The following CEP128 variants were observed in gnomAD, a reference collection of about 807,000 sequenced individuals.
CEP128 encodes centrosomal protein 128kDa.
Under a neutral mutation model 156.7 loss-of-function variants are expected in CEP128, and 132 were observed. The ratio of observed to expected loss-of-function variants is 0.84; its 90% CI spans 0.73 to 0.97. The LOEUF (loss-of-function observed/expected upper bound fraction) is 0.97, where lower values mean the gene tolerates loss of function less well. Among genes scored for constraint, CEP128 ranks in the 50% least tolerant of loss-of-function variants. The pLI is 0.00. For missense variants in CEP128, 1,252 were observed against 1,281.9 expected, an observed-to-expected ratio of 0.98 and a Z score of 0.36; for synonymous variants, 469 against 448.9, an observed-to-expected ratio of 1.04 and a Z score of -0.57.
intron 19 of CEP128, among the ~76,000 whole-genome samples, chr14:80,594,833 G>T (rs1892243535): frequency 6.6e-6 from 1 of 152,204 alleles, no homozygotes; most frequent in Non-Finnish European, 1.5e-5. Context: ...ACAGATCCTG[G>T]AGAGGATGTG....
intron 21 of CEP128, among the ~76,000 whole-genome samples, chr14:80,541,464 AAC>A (rs1491547061): frequency 0.018 from 2,654 of 148,302 alleles, 93 homozygotes; most frequent in African/African-American, 0.064. Context: ...AAAAAAAAAA[AAC>A]CAGGAAAAAA....
chr14:80,744,134 CG>C, intron 18 of CEP128, among the ~76,000 whole-genome samples: 1 of 152,006 alleles, frequency 6.6e-6, no homozygotes, highest in East Asian at 1.9e-4. Context: ...CTCAGCCTCC[CG>C]AAGTACTAGA....
chr14:80,949,719 C>T (rs953489720), intron 2 of CEP128, among the ~76,000 whole-genome samples: 3 of 152,214 alleles, frequency 2.0e-5, no homozygotes, highest in Non-Finnish European at 1.5e-5. Flanking sequence ...TTACATCTGA[C>T]GACAAATCTC....
intron 16 of CEP128, among the ~76,000 whole-genome samples, chr14:80,764,039 C>T (rs1900100763): frequency 6.6e-6 from 1 of 152,188 alleles, no homozygotes; most frequent in African/African-American, 2.4e-5. Flanking sequence ...TTTCTCACTT[C>T]CCTCAAAGCC....
intron 13 of CEP128, among the ~76,000 whole-genome samples, chr14:80,808,324 A>T (rs922880447): frequency 6.6e-6 from 1 of 152,174 alleles, no homozygotes; most frequent in African/African-American, 2.4e-5. Flanking sequence ...TAAGGTCAGG[A>T]TCCCTCCCCA....
chr14:80,838,253 C>G lies in CEP128; in HGVS notation c.875G>C (p.Arg292Pro). ...GCCTTCTGATTGATTCAATAACCTT[C>G]GAGATAGCTCCAATTCCTGTTCAAG... Reference protein sequence around the residue: ...NQLEQELELSRRLLNQSEGSR... With the variant: ...NQLEQELELSPRLLNQSEGSR... Residue 292 changes from arginine to proline, a missense_variant, in exon 11 of 25, where the codon CGA becomes CCA. Transcript: ENST00000555265. 1 of 1,613,322 alleles carries G rather than the reference C, an allele frequency of 6.2e-7. No individual in the cohort carries two copies. The highest frequency in any genetic ancestry group is 8.5e-7 in the Non-Finnish European group (1 of 1,179,592).
At chr14:80,644,933 T>G (rs1021431247) in intron 19 of CEP128, among the ~76,000 whole-genome samples, 3 of 152,158 alleles carry the variant, frequency 2.0e-5, no homozygotes, top group Non-Finnish European at 4.4e-5. Context: ...TCCACTCTCA[T>G]GGAACAAATG....
chr14:80,847,067 T>A (rs936919364), intron 9 of CEP128, among the ~76,000 whole-genome samples: 1 of 152,142 alleles, frequency 6.6e-6, no homozygotes, highest in Non-Finnish European at 1.5e-5. Context: ...AAGTACAAGG[T>A]TGAAAGAGAC....
chr14:80,651,473 T>C (rs1894901605), intron 19 of CEP128, among the ~76,000 whole-genome samples: 1 of 152,122 alleles, frequency 6.6e-6, no homozygotes, highest in Non-Finnish European at 1.5e-5. Flanking sequence ...TGAATTTGTT[T>C]GCTCTTGTTT....
chr14:80,761,687 C>A, intron 16 of CEP128, 74 bp from the exon 17 acceptor site: 1 of 1,063,250 alleles, frequency 9.4e-7, no homozygotes, highest in South Asian at 2.0e-5. Context: ...AATATCTGTT[C>A]AACCAACTAG....
intron 1 of CEP128, among the ~76,000 whole-genome samples, chr14:80,940,511 A>AT (rs1491207817): frequency 7.0e-6 from 1 of 142,422 alleles, no homozygotes; most frequent in Non-Finnish European, 1.5e-5. Flanking sequence ...ATGACTTAAA[A>AT]TATTTTTTTT....
In CEP128 at chr14:80,550,191, A is replaced by G. The variant is rs148887695; in HGVS notation, c.2880+9088T>C. 2.1e-3 allele frequency among the ~76,000 whole-genome samples: 313 copies of G among 152,320 alleles called. 1 individual carries two copies. Among genetic ancestry groups the G allele is most frequent in the African/African-American group, 7.3e-3 (304 of 41,578 alleles). ...GATTTACCCCATTTTAAGTTGTGTTAGCTCTGTAAGTATGTTTTGAAAATA... is the reference window on the plus strand; with the variant it reads ...GATTTACCCCATTTTAAGTTGTGTTGGCTCTGTAAGTATGTTTTGAAAATA... On this transcript the variant is annotated intron_variant, in intron 21 of 24. Transcript: ENST00000555265.
chr14:80,831,014 T>C, intron 13 of CEP128, 129 bp downstream of exon 13: 1 of 796,466 alleles, frequency 1.3e-6, no homozygotes, highest in Non-Finnish European at 2.0e-6. Context: ...GTCATTAATA[T>C]AACTTTATAT....
Position 80,843,693 on chromosome 14 carries a change from G to A in CEP128, c.763-2925C>T, listed in dbSNP as rs896476401. On this transcript the variant is annotated intron_variant, in intron 9 of 24. Transcript: ENST00000555265. ...GATTCCAATCCAAAGTAGACTACAC[G>A]AGCTATAAATTGAAGTTACAAGTTG... 3.9e-5 allele frequency among the ~76,000 whole-genome samples: 6 copies of A among 152,046 alleles called. No individual in the cohort carries two copies. The East Asian group carries it at 5.8e-4, about 15-fold the overall frequency.
At chr14:80,526,004 T>TC (rs1888958106) in intron 23 of CEP128, among the ~76,000 whole-genome samples, 1 of 151,920 alleles carries the variant, frequency 6.6e-6, no homozygotes, top group Non-Finnish European at 1.5e-5. Context: ...AGCTTTTTTT[T>TC]AATTGACTTG....
chr14:80,829,884 A>G (rs1184239347), intron 13 of CEP128, among the ~76,000 whole-genome samples: 1 of 152,192 alleles, frequency 6.6e-6, no homozygotes, highest in Non-Finnish European at 1.5e-5. Context: ...TAATTTTTTT[A>G]GTGCTCACAT....
intron 24 of CEP128, among the ~76,000 whole-genome samples, chr14:80,500,001 T>C (rs898743493): frequency 2.0e-5 from 3 of 152,188 alleles, no homozygotes; most frequent in Non-Finnish European, 4.4e-5. Context: ...CTTTAAATAA[T>C]GGATTTCTGT....
Position 80,644,412 on chromosome 14 carries a change from G to T in CEP128, c.2807-63989C>A, listed in dbSNP as rs554437846. 1.6e-4 allele frequency among the ~76,000 whole-genome samples: 24 copies of T among 152,242 alleles called. No individual in the cohort carries two copies. In the South Asian group the frequency reaches 4.4e-3, roughly 28 times the overall value. On this transcript the variant is annotated intron_variant, in intron 19 of 24. Coordinates refer to ENST00000555265, the MANE Select transcript of CEP128 (RefSeq NM_152446.5). ...AAATACTGCTGAATAAGTAGGGCCT[G>T]CAAAAGCAAGGAAGGACACAAGCCA... is the stretch of plus-strand genomic sequence containing the variant.
intron 19 of CEP128, among the ~76,000 whole-genome samples, chr14:80,726,389 G>A (rs1355344142): frequency 6.6e-6 from 1 of 152,168 alleles, no homozygotes; most frequent in Non-Finnish European, 1.5e-5. Flanking sequence ...GAAAAGAACT[G>A]TAGAACCAAC....
Sources: allele counts gnomAD v4.1 joint callset (sites outside exome capture counted in the v4.1 genomes callset), GRCh38; gene constraint gnomAD v4.1.1; transcripts MANE v1.5; gene names NCBI Gene and HGNC (gene_info 2026-07-23, HGNC 2026-07-21).